Variants in MKRN1 observed in about 807,000 individuals in gnomAD.
MKRN1 encodes E3 ubiquitin-protein ligase makorin-1.
Under a neutral mutation model 55.5 loss-of-function variants are expected in MKRN1, and 9 were observed. That is an observed-to-expected ratio of 0.16 (90% CI 0.10 to 0.28). The LOEUF is 0.28. Among genes scored for constraint, MKRN1 ranks in the 10% least tolerant of loss-of-function variants. The probability of loss-of-function intolerance (pLI) is 1.00; values close to 1 mark genes in which losing one functional copy is unlikely to be tolerated. For missense variants in MKRN1, 488 were observed against 626.7 expected, an observed-to-expected ratio of 0.78 and a Z score of 2.36; for synonymous variants, 253 against 235.9, an observed-to-expected ratio of 1.07 and a Z score of -0.66.
intron 1 of MKRN1, chr7:140,474,416 T>C (rs1049434933): frequency 2.7e-5 from 10 of 370,328 alleles, no homozygotes; most frequent in East Asian, 2.0e-4. Flanking sequence ...TGAGGCAGAA[T>C]TGCTTGAACT....
intron 4 of MKRN1, among the ~76,000 whole-genome samples, chr7:140,458,585 T>C (rs1042948170): frequency 5.3e-5 from 8 of 152,234 alleles, no homozygotes; most frequent in African/African-American, 1.9e-4. Context: ...TGCACATCTC[T>C]GTAAATATAC....
chr7:140,464,200 G>A (rs958311018), intron 2 of MKRN1, among the ~76,000 whole-genome samples: 3 of 152,090 alleles, frequency 2.0e-5, no homozygotes, highest in South Asian at 2.1e-4. Context: ...GATTATAGGC[G>A]TGAGCCACCG....
In MKRN1 at chr7:140,471,943, G is replaced by C. The variant is rs528516903; in HGVS notation, c.254C>G (p.Pro85Arg). ...CRYSHDLSDS[P>R]YSVVCKYFQR... Reference sequence around the variant, plus strand: ...AAAATACTTGCACACTACACTATACGGACTGTCAGAGAGGTCATGCGAGTA... The same window carrying C: ...AAAATACTTGCACACTACACTATACCGACTGTCAGAGAGGTCATGCGAGTA... Residue 85 changes from proline (P) to arginine (R), a missense_variant, in exon 2 of 8, where the codon CCG becomes CGG. Coordinates refer to ENST00000255977, the MANE Select transcript of MKRN1 (RefSeq NM_013446.4). 5.0e-6 allele frequency: 8 copies of C among 1,613,952 alleles called. No individual in the cohort carries two copies. The Admixed American group carries it at 1.0e-4, about 20-fold the overall frequency.
intron 1 of MKRN1, among the ~76,000 whole-genome samples, chr7:140,477,591 G>C (rs1181129028): frequency 6.6e-6 from 1 of 152,034 alleles, no homozygotes; most frequent in African/African-American, 2.4e-5. Flanking sequence ...CAAAGTGCTG[G>C]GATTACAGGT....
chr7:140,456,113 C>CTT (rs57991505), intron 5 of MKRN1: 10,003 of 840,656 alleles, frequency 0.012, 5 homozygotes, highest in Middle Eastern at 0.014. Context: ...CTAGCCAGTT[C>CTT]TTTTTTTTTT....
chr7:140,456,000 C>T (rs17621014), intron 5 of MKRN1, 100 bp from the exon 6 acceptor site: 107,439 of 1,146,918 alleles, frequency 0.094, 5,529 homozygotes, highest in Non-Finnish European at 0.1. Context: ...AAAGACTTAA[C>T]TGAAAGGCAC....
intron 1 of MKRN1, chr7:140,477,993 C>T (rs1795176036): frequency 6.6e-6 from 1 of 152,182 alleles, no homozygotes; most frequent in Admixed American, 6.6e-5. Context: ...TTAAGCTTAT[C>T]CTTCACACCT....
chr7:140,478,812 A>G (rs2130384350), intron 1 of MKRN1: 2 of 173,488 alleles, frequency 1.2e-5, no homozygotes, highest in South Asian at 2.0e-4. Context: ...GCATCCTTCC[A>G]GCGGCAGGGG....
chr7:140,456,997 AAATTAGCTTTGCTGACAAG>A (rs1417313669), intron 4 of MKRN1, 131 bp from the exon 5 acceptor site: 2 of 946,742 alleles, frequency 2.1e-6, no homozygotes. Context: ...GCTGACACGA[AAATTAGCTTTGCTGACAAG>A]TAAACACAGG....
At position 140,479,185 on chromosome 7, in the gene MKRN1, C is replaced by A; in HGVS notation, c.160G>T (p.Gly54Cys). ...CTGCAGGTGACCTGTTTAGTCCAGCCGCCGCCGCTGCCGTCGCTGCCGCCG... is the reference window on the plus strand; with the variant it reads ...CTGCAGGTGACCTGTTTAGTCCAGCAGCCGCCGCTGCCGTCGCTGCCGCCG... ...GGGGSDGSGG[G>C]WTKQVTCRYF... Residue 54 changes from glycine to cysteine, a missense_variant, in exon 1 of 8, where the codon GGC becomes TGC. By Grantham distance (159) the Gly-to-Cys change is radical. This residue lies in a region of MKRN1 where 210 missense variants were observed against 220.0 expected (regional missense o/e 0.95). Coordinates refer to ENST00000255977, the MANE Select transcript of MKRN1 (RefSeq NM_013446.4). 1 of 1,459,306 alleles carries A rather than the reference C, an allele frequency of 6.9e-7. No individual in the cohort carries two copies. Among genetic ancestry groups the A allele is most frequent in the Non-Finnish European group, 9.0e-7 (1 of 1,107,576 alleles). 90.4% of individuals were successfully genotyped at this position (1,459,306 alleles called of 1,614,324 possible).
chr7:140,471,515 G>A (rs767150753), intron 2 of MKRN1, among the ~76,000 whole-genome samples: 6 of 152,008 alleles, frequency 3.9e-5, no homozygotes, highest in African/African-American at 1.5e-4. Flanking sequence ...TGTTGCCCAG[G>A]CTGGAGCGCA....
intron 2 of MKRN1, among the ~76,000 whole-genome samples, chr7:140,466,394 T>C (rs1794765850): frequency 6.6e-6 from 1 of 152,086 alleles, no homozygotes; most frequent in African/African-American, 2.4e-5. Context: ...CCAGGCCCAG[T>C]AGGCTCACAC....
intron 1 of MKRN1, chr7:140,473,951 C>T (rs1795012618): frequency 7.0e-6 from 1 of 143,852 alleles, no homozygotes; most frequent in African/African-American, 2.5e-5. Flanking sequence ...AAGATTGTAT[C>T]ACTGCACTCT....
chr7:140,458,111 G>A (rs1247447149), intron 4 of MKRN1, among the ~76,000 whole-genome samples: 1 of 152,156 alleles, frequency 6.6e-6, no homozygotes, highest in African/African-American at 2.4e-5. Context: ...GGAAAAGTAT[G>A]GCAGTTCATC....
In MKRN1 at chr7:140,454,449, G is replaced by A; in HGVS notation, c.*68C>T. The A allele has an allele frequency of 6.8e-7, 1 of 1,477,482 alleles. No homozygotes were observed. Among genetic ancestry groups the A allele is most frequent in the Non-Finnish European group, 9.3e-7 (1 of 1,073,604 alleles). 91.5% of individuals were successfully genotyped at this position (1,477,482 alleles called of 1,614,324 possible). ...CTGCCTAGGAGAGAACACAGGCACT[G>A]CCACACCACCACAGGGGACAGCTGC... On this transcript the variant is annotated 3_prime_UTR_variant, in exon 8 of 8. Transcript: ENST00000255977.
intron 2 of MKRN1, among the ~76,000 whole-genome samples, chr7:140,465,091 T>C (rs776050451): frequency 5.3e-5 from 8 of 152,190 alleles, no homozygotes; most frequent in Non-Finnish European, 1.2e-4. Flanking sequence ...TAAGAGAAAA[T>C]AACCCTTTCC....
At chr7:140,455,617 T>G in intron 6 of MKRN1, 173 bp downstream of exon 6, 3 of 601,186 alleles carry the variant, frequency 5.0e-6, no homozygotes, top group South Asian at 2.2e-5. Context: ...CCCCAAGGAC[T>G]GTGTTATAGC....
intron 2 of MKRN1, among the ~76,000 whole-genome samples, chr7:140,463,619 CTCACGCCTGTAA>C (rs2130289310): frequency 6.6e-6 from 1 of 152,212 alleles, no homozygotes; most frequent in South Asian, 2.1e-4. Context: ...GACGCGGTGG[CTCACGCCTGTAA>C]TCCCAGCACT....
chr7:140,460,842 G>A (rs979450672), intron 2 of MKRN1, among the ~76,000 whole-genome samples: 1 of 152,200 alleles, frequency 6.6e-6, no homozygotes, highest in African/African-American at 2.4e-5. Flanking sequence ...ACAACTACAA[G>A]TATTCAACTC....
Sources: gnomAD v4.1 joint callset for allele counts (sites outside exome capture counted in the v4.1 genomes callset) on GRCh38, gnomAD v4.1.1 for gene constraint, gnomAD v4.1.1 regional missense constraint, MANE v1.5 for transcripts, NCBI Gene and HGNC (gene_info 2026-07-23, HGNC 2026-07-21) for gene names.